Variants in ACTL8 observed in about 807,000 individuals in gnomAD.
The protein encoded by ACTL8 is actin like 8.
A neutral mutation model predicts 9.3 loss-of-function variants in ACTL8; 3 were observed. The observed-to-expected ratio is 0.32, with a 90% CI of 0.15 to 0.83. The LOEUF (loss-of-function observed/expected upper bound fraction) is 0.83, where lower values mean the gene tolerates loss of function less well. Ranked by LOEUF, ACTL8 falls within the 40% of genes least tolerant of loss-of-function variation. The pLI, the probability that ACTL8 is intolerant of heterozygous loss-of-function variation, is 0.57. For synonymous variants in ACTL8, 224 were observed against 205.9 expected (o/e 1.09, Z -0.75); for missense variants, 381 against 492.2 (o/e 0.77, Z 2.14).
In ACTL8 at chr1:17,817,174, A is replaced by G. The variant is rs571470921; in HGVS notation, c.-24-5811A>G. 1.0e-4 allele frequency among the ~76,000 whole-genome samples: 15 copies of G among 148,832 alleles called. 1 individual carries two copies. Among genetic ancestry groups the G allele is most frequent in the African/African-American group, 3.5e-4 (14 of 40,450 alleles). On this transcript the variant is annotated intron_variant, in intron 1 of 2. Coordinates refer to ENST00000375406, the MANE Select transcript of ACTL8 (RefSeq NM_030812.3). ...TGGTGAGCATCAGAAGCCTGTGGTA[A>G]TGTACCTTAATGCCATTTTTTTTTT...
intron 1 of ACTL8, among the ~76,000 whole-genome samples, chr1:17,794,306 C>T (rs2066262264): frequency 6.6e-6 from 1 of 151,376 alleles, no homozygotes; most frequent in African/African-American, 2.5e-5. Context: ...AGTTACTTAA[C>T]TTCCTTTTCC....
At chr1:17,791,439 G>C (rs1173493915) in intron 1 of ACTL8, among the ~76,000 whole-genome samples, 3 of 152,214 alleles carry the variant, frequency 2.0e-5, no homozygotes, top group Non-Finnish European at 4.4e-5. Context: ...ATTAGGGAGT[G>C]GAAGATCCGG....
intron 1 of ACTL8, among the ~76,000 whole-genome samples, chr1:17,807,225 G>A (rs984470142): frequency 1.3e-5 from 2 of 152,152 alleles, no homozygotes; most frequent in Admixed American, 1.3e-4. Flanking sequence ...CATTCCCCTT[G>A]GTCTTGTAAT....
At chr1:17,811,257 G>GA (rs1382351430) in intron 1 of ACTL8, among the ~76,000 whole-genome samples, 4 of 152,154 alleles carry the variant, frequency 2.6e-5, no homozygotes, top group Non-Finnish European at 1.5e-5. Flanking sequence ...GATGAAGTGT[G>GA]AAAATCTTTG....
chr1:17,817,637 A>G (rs944993574), intron 1 of ACTL8, among the ~76,000 whole-genome samples: 42 of 152,022 alleles, frequency 2.8e-4, no homozygotes, highest in African/African-American at 9.7e-4. Context: ...CTCAGGCACA[A>G]ATCTTTGTCT....
At chr1:17,772,535 A>G (rs1337612909) in intron 1 of ACTL8, among the ~76,000 whole-genome samples, 2 of 152,178 alleles carry the variant, frequency 1.3e-5, no homozygotes, top group African/African-American at 2.4e-5. Context: ...AGCTGACACC[A>G]GGGATGTTGG....
At chr1:17,811,890 C>T (rs1309172002) in intron 1 of ACTL8, among the ~76,000 whole-genome samples, 1 of 147,696 alleles carries the variant, frequency 6.8e-6, no homozygotes, top group Non-Finnish European at 1.5e-5. Flanking sequence ...TTTTTTGAGA[C>T]AGGGTCTGGC....
intron 1 of ACTL8, among the ~76,000 whole-genome samples, chr1:17,758,349 A>G (rs1164517636): frequency 6.6e-6 from 1 of 152,230 alleles, no homozygotes; most frequent in Non-Finnish European, 1.5e-5. Context: ...TCTGGGAATG[A>G]AATAAGTGGG....
chr1:17,806,073 AG>A (rs2102695442), intron 1 of ACTL8, among the ~76,000 whole-genome samples: 1 of 152,248 alleles, frequency 6.6e-6, no homozygotes, highest in South Asian at 2.1e-4. Flanking sequence ...TCCTCTTTCT[AG>A]GCTGCCAGGA....
intron 1 of ACTL8, among the ~76,000 whole-genome samples, chr1:17,809,485 T>G (rs1395034120): frequency 6.6e-6 from 1 of 152,088 alleles, no homozygotes; most frequent in Non-Finnish European, 1.5e-5. Flanking sequence ...CGTGGCCTGT[T>G]GGGAACTAGG....
intron 1 of ACTL8, among the ~76,000 whole-genome samples, chr1:17,814,664 A>G (rs1251289547): frequency 7.2e-5 from 11 of 152,018 alleles, no homozygotes; most frequent in Non-Finnish European, 1.5e-4. Context: ...AATACATACC[A>G]TTATGTTACA....
chr1:17,802,662 T>C (rs2066330013), intron 1 of ACTL8, among the ~76,000 whole-genome samples: 1 of 152,154 alleles, frequency 6.6e-6, no homozygotes, highest in Non-Finnish European at 1.5e-5. Context: ...TAGCTGATAC[T>C]TTATTTTGCA....
intron 1 of ACTL8, among the ~76,000 whole-genome samples, chr1:17,821,543 G>T (rs917979890): frequency 6.6e-6 from 1 of 151,898 alleles, no homozygotes; most frequent in South Asian, 2.1e-4. Flanking sequence ...ATTATTTTTC[G>T]ACCTTGTCAA....
chr1:17,765,316 T>G (rs556049835), intron 1 of ACTL8, among the ~76,000 whole-genome samples: 6 of 152,202 alleles, frequency 3.9e-5, no homozygotes, highest in African/African-American at 1.2e-4. Flanking sequence ...TAGTTCACTG[T>G]GGTGTCCTGG....
chr1:17,762,426 C>T (rs550729125), intron 1 of ACTL8, among the ~76,000 whole-genome samples: 1 of 152,176 alleles, frequency 6.6e-6, no homozygotes, highest in African/African-American at 2.4e-5. Context: ...AACCAGAGGC[C>T]CAGGTGCTGT....
At chr1:17,778,836 C>T (rs2066133875) in intron 1 of ACTL8, among the ~76,000 whole-genome samples, 1 of 152,056 alleles carries the variant, frequency 6.6e-6, no homozygotes, top group South Asian at 2.1e-4. Flanking sequence ...CTGGAGGCTG[C>T]TCTCCCAGAC....
chr1:17,801,323 A>C (rs902579534), intron 1 of ACTL8, among the ~76,000 whole-genome samples: 2 of 152,242 alleles, frequency 1.3e-5, no homozygotes. Context: ...ATAAATGGAC[A>C]CACAGCAATT....
chr1:17,811,985 A>G (rs952546842), intron 1 of ACTL8, among the ~76,000 whole-genome samples: 8 of 151,232 alleles, frequency 5.3e-5, no homozygotes, highest in African/African-American at 1.7e-4. Context: ...AGTAGCTGGG[A>G]CTACAGGTGC....
chr1:17,820,888 G>A (rs1335472212), intron 1 of ACTL8, among the ~76,000 whole-genome samples: 1 of 152,102 alleles, frequency 6.6e-6, no homozygotes, highest in African/African-American at 2.4e-5. Context: ...CAAAGTGCTG[G>A]TGTCATTTGC....
Sources: gnomAD v4.1 joint callset for allele counts (sites outside exome capture counted in the v4.1 genomes callset) on GRCh38, gnomAD v4.1.1 for gene constraint, MANE v1.5 for transcripts, NCBI Gene and HGNC (gene_info 2026-07-23, HGNC 2026-07-21) for gene names.